The following SLCO1C1 variants were observed in gnomAD, a reference collection of about 807,000 sequenced individuals.
The protein encoded by SLCO1C1 is solute carrier organic anion transporter family member 1C1.
Under a neutral mutation model 76.4 loss-of-function variants are expected in SLCO1C1, and 70 were observed. The ratio of observed to expected loss-of-function variants is 0.92; its 90% CI spans 0.76 to 1.12. The LOEUF is 1.12. Ranked by LOEUF, SLCO1C1 falls within the 50% of genes most tolerant of loss-of-function variation. The pLI, the probability that SLCO1C1 is intolerant of heterozygous loss-of-function variation, is 0.00. For synonymous variants in SLCO1C1, 306 were observed against 286.1 expected (o/e 1.07, Z -0.70); for missense variants, 912 against 823.8 (o/e 1.11, Z -1.31).
intron 12 of SLCO1C1, among the ~76,000 whole-genome samples, chr12:20,740,780 ATTT>A (rs1491329613): frequency 4.0e-5 from 1 of 25,058 alleles, no homozygotes; most frequent in South Asian, 1.4e-3. Context: ...GTTAGAATTT[ATTT>A]TATTTATATA....
At position 20,733,104 on chromosome 12, in the gene SLCO1C1, G is replaced by GGT; in HGVS notation, c.1382+1_1382+2dup. On this transcript the variant is annotated frameshift_variant and splice_region_variant. Coordinates refer to ENST00000266509, the MANE Select transcript of SLCO1C1 (RefSeq NM_017435.5). LOFTEE classifies it high-confidence loss of function. ...GCAGGACTAACTGTCTCCTACCAAG[G>GGT]GTATGTTCCCTCATTAAATAGTTTG... is the stretch of plus-strand genomic sequence containing the variant. 1 of 1,557,204 alleles carries GGT rather than the reference G, an allele frequency of 6.4e-7. No individual in the cohort carries two copies. Among genetic ancestry groups the GGT allele is most frequent in the Non-Finnish European group, 8.6e-7 (1 of 1,156,898 alleles).
chr12:20,745,811 C>T (rs534624159), intron 13 of SLCO1C1, among the ~76,000 whole-genome samples: 1 of 150,208 alleles, frequency 6.7e-6, no homozygotes, highest in East Asian at 2.0e-4. Context: ...GGTGACAAAG[C>T]AAGTCTCCAT....
intron 3 of SLCO1C1, among the ~76,000 whole-genome samples, chr12:20,705,128 T>C (rs1250234011): frequency 6.6e-6 from 1 of 151,930 alleles, no homozygotes; most frequent in East Asian, 1.9e-4. Flanking sequence ...GTGAGAAATA[T>C]TACTTGAAAC....
At chr12:20,726,723 A>G (rs1374585327) in intron 9 of SLCO1C1, among the ~76,000 whole-genome samples, 1 of 151,752 alleles carries the variant, frequency 6.6e-6, no homozygotes, top group Admixed American at 6.6e-5. Flanking sequence ...TTTATTTTGG[A>G]ATAGGGAGTA....
chr12:20,731,867 A>AT lies in SLCO1C1; in HGVS notation c.1187-1033dup, dbSNP rs35721843. The stretch of plus-strand genomic sequence containing the variant: ...AATGGATAGAAATTAATTGCATGAC[A>AT]TTTTTTTTTACTAAACATTGTGCTG... On this transcript the variant is annotated intron_variant, in intron 9 of 14. Coordinates refer to ENST00000266509, the MANE Select transcript of SLCO1C1 (RefSeq NM_017435.5). Among the ~76,000 whole-genome samples the AT allele has an allele frequency of 3.2e-3, 480 of 151,636 alleles. 3 individuals are homozygous for AT. The highest frequency in any genetic ancestry group is 0.011 in the African/African-American group (434 of 41,320).
chr12:20,696,495 T>G (rs1946272104), intron 1 of SLCO1C1, among the ~76,000 whole-genome samples: 1 of 152,120 alleles, frequency 6.6e-6, no homozygotes, highest in African/African-American at 2.4e-5. Context: ...CTCTCTCCAT[T>G]TAAAATCTGG....
At chr12:20,717,683 T>G (rs2120723754) in intron 7 of SLCO1C1, among the ~76,000 whole-genome samples, 1 of 116,780 alleles carries the variant, frequency 8.6e-6, no homozygotes, top group South Asian at 2.7e-4. Flanking sequence ...TTTTTTTTTT[T>G]TTTTTTTTTA....
intron 7 of SLCO1C1, among the ~76,000 whole-genome samples, chr12:20,717,889 A>G (rs1266272305): frequency 6.6e-6 from 1 of 151,768 alleles, no homozygotes; most frequent in Non-Finnish European, 1.5e-5. Flanking sequence ...TTTTTTAAAG[A>G]ATTCCAAGAG....
chr12:20,725,353 A>T (rs1251770236), intron 9 of SLCO1C1, among the ~76,000 whole-genome samples: 1 of 137,306 alleles, frequency 7.3e-6, no homozygotes, highest in East Asian at 2.0e-4. Context: ...TAAAATTTAT[A>T]GTATATTACA....
intron 13 of SLCO1C1, among the ~76,000 whole-genome samples, chr12:20,746,243 G>A (rs897671258): frequency 6.6e-6 from 1 of 152,064 alleles, no homozygotes; most frequent in Non-Finnish European, 1.5e-5. Context: ...AATGGCTGCA[G>A]TTTATTGAAA....
At chr12:20,729,187 T>C (rs972009592) in intron 9 of SLCO1C1, among the ~76,000 whole-genome samples, 6 of 152,228 alleles carry the variant, frequency 3.9e-5, no homozygotes, top group Middle Eastern at 3.4e-3. Context: ...TCTTATATGA[T>C]GTGAAGGAAA....
chr12:20,743,203 A>T, intron 12 of SLCO1C1, 102 bp from the exon 13 acceptor site: 1 of 1,140,156 alleles, frequency 8.8e-7, no homozygotes, highest in South Asian at 1.4e-5. Flanking sequence ...TGGCACTTGA[A>T]TTCTAACATG....
At chr12:20,710,806 T>C (rs574041015) in intron 4 of SLCO1C1, among the ~76,000 whole-genome samples, 2 of 152,336 alleles carry the variant, frequency 1.3e-5, no homozygotes, top group African/African-American at 4.8e-5. Context: ...TGTTCAATTA[T>C]GGCTCTTTCT....
intron 9 of SLCO1C1, among the ~76,000 whole-genome samples, chr12:20,724,898 A>G (rs1947886654): frequency 6.9e-6 from 1 of 145,416 alleles, no homozygotes; most frequent in Non-Finnish European, 1.5e-5. Context: ...GAAAATAATT[A>G]TACATACAAT....
chr12:20,719,428 A>T (rs530644524), intron 7 of SLCO1C1, among the ~76,000 whole-genome samples: 1 of 152,300 alleles, frequency 6.6e-6, no homozygotes, highest in South Asian at 2.1e-4. Context: ...AGAAAAGATT[A>T]GGCTTAATGA....
At position 20,699,610 on chromosome 12, in the gene SLCO1C1, T is replaced by C; in HGVS notation, c.34T>C (p.Phe12Leu). The C allele has an allele frequency of 6.2e-7, 1 of 1,612,352 alleles. No individual in the cohort carries two copies. The highest frequency in any genetic ancestry group is 8.5e-7 in the Non-Finnish European group (1 of 1,179,078). ...DTSSKENIQL[F>L]CKTSVQPVGR... ...TTCATCCAAAGAAAATATCCAGTTG[T>C]TCTGCAAAACTTCAGTGCAACCTGT... The change falls in exon 2 of 15, where the codon TTC becomes CTC. Residue 12 changes from phenylalanine (F) to leucine (L), a missense_variant. Physicochemically the swap from Phe to Leu is conservative, Grantham distance 22. Coordinates refer to ENST00000266509, the MANE Select transcript of SLCO1C1 (RefSeq NM_017435.5).
At chr12:20,718,710 G>A (rs1052130667) in intron 7 of SLCO1C1, among the ~76,000 whole-genome samples, 2 of 152,112 alleles carry the variant, frequency 1.3e-5, no homozygotes, top group African/African-American at 2.4e-5. Flanking sequence ...TGATATAGAG[G>A]AGTCGCCACA....
chr12:20,750,735 G>T lies in SLCO1C1; in HGVS notation c.1859G>T (p.Gly620Val). Residue 620 changes from glycine to valine, a missense_variant, in exon 14 of 15, where the codon GGA becomes GTA. Gly to Val is a moderately radical substitution (Grantham distance 109, BLOSUM62 -3). Transcript: ENST00000266509. Reference sequence around the variant, plus strand: ...ATTGATACTTCATGCCTCAAATGGGGATTTAAAAGATGTGGAAGTAGAGGA... The same window carrying T: ...ATTGATACTTCATGCCTCAAATGGGTATTTAAAAGATGTGGAAGTAGAGGA... ...VLIDTSCLKW[G>V]FKRCGSRGSC... is the part of the protein sequence containing the mutation. 6.2e-7 allele frequency: 1 copy of T among 1,614,022 alleles called. No homozygotes were observed. Among genetic ancestry groups the T allele is most frequent in the Non-Finnish European group, 8.5e-7 (1 of 1,179,946 alleles).
At chr12:20,718,713 T>C (rs1947504178) in intron 7 of SLCO1C1, among the ~76,000 whole-genome samples, 1 of 151,892 alleles carries the variant, frequency 6.6e-6, no homozygotes, top group Non-Finnish European at 1.5e-5. Context: ...TATAGAGGAG[T>C]CGCCACATGA....
Sources: allele counts gnomAD v4.1 joint callset (sites outside exome capture counted in the v4.1 genomes callset), GRCh38; gene constraint gnomAD v4.1.1; transcripts MANE v1.5; gene names NCBI Gene and HGNC (gene_info 2026-07-23, HGNC 2026-07-21).